WWOX: variants seen among roughly 807,000 people sequenced by gnomAD.
WWOX encodes the protein WW domain containing oxidoreductase, also known as WW domain-containing oxidoreductase.
In WWOX, 69 loss-of-function variants were observed where a neutral mutation model predicts 46.2. That is an observed-to-expected ratio of 1.49 (90% CI 1.23 to 1.82). WWOX has a LOEUF of 1.82. Ranked by LOEUF, WWOX falls within the 40% of genes most tolerant of loss-of-function variation. WWOX has a pLI of 0.00. For synonymous variants in WWOX, 359 were observed against 202.6 expected (o/e 1.77, Z -6.56); for missense variants, 919 against 542.6 (o/e 1.69, Z -6.89).
At chr16:78,696,005 G>C (rs1048479273) in intron 8 of WWOX, among the ~76,000 whole-genome samples, 1 of 152,160 alleles carries the variant, frequency 6.6e-6, no homozygotes, top group Non-Finnish European at 1.5e-5. Flanking sequence ...AATCTCTGGT[G>C]GGGAGGGAGA....
At chr16:79,061,334 A>G (rs1188802202) in intron 8 of WWOX, among the ~76,000 whole-genome samples, 2 of 152,188 alleles carry the variant, frequency 1.3e-5, no homozygotes, top group Non-Finnish European at 2.9e-5. Context: ...CTGGTGATGA[A>G]TTACAAGATT....
intron 6 of WWOX, among the ~76,000 whole-genome samples, chr16:78,392,980 C>T (rs8058511): frequency 0.073 from 11,112 of 152,140 alleles, 521 homozygotes; most frequent in South Asian, 0.17. Context: ...CAGCGGTCGT[C>T]GGCCAGTGTG....
intron 8 of WWOX, among the ~76,000 whole-genome samples, chr16:78,801,752 A>G (rs957314007): frequency 2.6e-5 from 4 of 152,134 alleles, no homozygotes; most frequent in South Asian, 4.2e-4. Context: ...CTTAGTGTAT[A>G]TGGATTGATG....
chr16:78,970,700 G>C (rs1236889046), intron 8 of WWOX, among the ~76,000 whole-genome samples: 1 of 152,136 alleles, frequency 6.6e-6, no homozygotes, highest in Non-Finnish European at 1.5e-5. Context: ...TAAAAAGATA[G>C]GAGGAGCCAT....
rs1376997845 is a variant in WWOX, at chr16:78,122,284, A to G, written c.409+7130A>G. 2.6e-5 allele frequency among the ~76,000 whole-genome samples: 4 copies of G among 152,176 alleles called. No individual in the cohort carries two copies. The East Asian group carries it at 7.7e-4, about 29-fold the overall frequency. On this transcript the variant is annotated intron_variant, in intron 4 of 8. Coordinates refer to ENST00000566780, the MANE Select transcript of WWOX (RefSeq NM_016373.4). ...TCAGTGTGAACCTGATTAGATCTCA[A>G]CTGAAACTTTTTTGTCACATGAGGC...
chr16:78,449,881 A>G (rs903034051), intron 8 of WWOX, among the ~76,000 whole-genome samples: 3 of 151,176 alleles, frequency 2.0e-5, no homozygotes, highest in Admixed American at 6.6e-5. Flanking sequence ...TACAAAAACT[A>G]GCCAGAAAGC....
chr16:78,493,247 G>T (rs1159959035), intron 8 of WWOX, among the ~76,000 whole-genome samples: 2 of 152,106 alleles, frequency 1.3e-5, no homozygotes, highest in Non-Finnish European at 2.9e-5. Context: ...TTAACCATAA[G>T]CAGAAGACAC....
intron 8 of WWOX, among the ~76,000 whole-genome samples, chr16:78,674,845 GAAGA>G (rs2047554181): frequency 6.7e-6 from 1 of 149,104 alleles, no homozygotes; most frequent in African/African-American, 2.5e-5. Context: ...TTTTTTTCTG[GAAGA>G]AAGAGCAGAT....
At chr16:78,509,101 C>G (rs2085292781) in intron 8 of WWOX, among the ~76,000 whole-genome samples, 1 of 152,210 alleles carries the variant, frequency 6.6e-6, no homozygotes, top group South Asian at 2.1e-4. Context: ...GAGGCCCTCC[C>G]TTCGTGTAGA....
intron 5 of WWOX, among the ~76,000 whole-genome samples, chr16:78,365,824 G>T (rs1420527892): frequency 6.6e-6 from 1 of 152,030 alleles, no homozygotes; most frequent in African/African-American, 2.4e-5. Context: ...GTCTTCATTT[G>T]CAACTCTCTT....
intron 8 of WWOX, among the ~76,000 whole-genome samples, chr16:78,924,823 G>A (rs937730884): frequency 2.0e-5 from 3 of 152,154 alleles, no homozygotes; most frequent in African/African-American, 7.2e-5. Context: ...GATTGTTGGT[G>A]TCAACATATG....
chr16:78,715,759 G>C (rs530120767), intron 8 of WWOX, among the ~76,000 whole-genome samples: 205 of 152,270 alleles, frequency 1.3e-3, no homozygotes, highest in African/African-American at 4.7e-3. Context: ...TTACAGGCAT[G>C]AGCCACCGTG....
At chr16:78,951,634 G>A (rs188563619) in intron 8 of WWOX, among the ~76,000 whole-genome samples, 1 of 152,212 alleles carries the variant, frequency 6.6e-6, no homozygotes, top group Admixed American at 6.5e-5. Context: ...GACAGTGGCA[G>A]TCTTGATGTC....
intron 8 of WWOX, among the ~76,000 whole-genome samples, chr16:78,529,669 G>T (rs765668337): frequency 3.6e-4 from 54 of 151,828 alleles, no homozygotes; most frequent in Non-Finnish European, 5.9e-4. Flanking sequence ...GGGTTTCACC[G>T]TGTTAGGCAG....
intron 8 of WWOX, chr16:79,205,541 C>G (rs1197699825): frequency 2.0e-5 from 3 of 152,234 alleles, no homozygotes. Flanking sequence ...CACTTTCTCA[C>G]ACTTCTAAAG....
intron 5 of WWOX, among the ~76,000 whole-genome samples, chr16:78,182,919 T>C (rs142588044): frequency 0.062 from 8,854 of 142,534 alleles, 910 homozygotes; most frequent in African/African-American, 0.22. Flanking sequence ...CCACTGCACT[T>C]CAGCCTGGGT....
chr16:78,361,556 T>A (rs2081410474), intron 5 of WWOX, among the ~76,000 whole-genome samples: 1 of 152,152 alleles, frequency 6.6e-6, no homozygotes. Flanking sequence ...CTTTTTATAG[T>A]CAGTAATTGG....
At chr16:78,588,632 T>C (rs1022880894) in intron 8 of WWOX, among the ~76,000 whole-genome samples, 2 of 152,206 alleles carry the variant, frequency 1.3e-5, no homozygotes, top group Admixed American at 1.3e-4. Context: ...AGTGAGGTCA[T>C]TGAGTCACTT....
intron 8 of WWOX, among the ~76,000 whole-genome samples, chr16:78,801,270 G>C (rs775701653): frequency 4.6e-5 from 7 of 152,106 alleles, no homozygotes; most frequent in Non-Finnish European, 8.8e-5. Context: ...AGCTCTTTGG[G>C]AGGCCAACGC....
Sources: gnomAD v4.1 joint callset for allele counts (sites outside exome capture counted in the v4.1 genomes callset) on GRCh38, gnomAD v4.1.1 for gene constraint, MANE v1.5 for transcripts, NCBI Gene and HGNC (gene_info 2026-07-23, HGNC 2026-07-21) for gene names.